MZT2B: variants seen among roughly 807,000 people sequenced by gnomAD.
MZT2B encodes mitotic-spindle organizing protein 2B.
A neutral mutation model predicts 12.1 loss-of-function variants in MZT2B; 11 were observed. The observed-to-expected ratio is 0.91, with a 90% CI of 0.57 to 1.50. MZT2B has a LOEUF of 1.50. Ranked by LOEUF, MZT2B falls within the 40% of genes most tolerant of loss-of-function variation. MZT2B has a pLI of 0.00. For synonymous variants in MZT2B, 85 were observed against 109.5 expected (o/e 0.78, Z 1.40); for missense variants, 209 against 227.7 (o/e 0.92, Z 0.53).
At chr2:130,182,228 C>T, upstream of MZT2B, 4 of 1,229,022 alleles carry the variant, frequency 3.3e-6, no homozygotes, top group Non-Finnish European at 3.0e-6. Context: ...GGGTGGTGGG[C>T]GCAGCCGCTA....
chr2:130,200,976 C>T, the MZT2B span, among the ~76,000 whole-genome samples: 2 of 152,220 alleles, frequency 1.3e-5, no homozygotes, highest in African/African-American at 4.8e-5. Context: ...ACCCCCAGCT[C>T]ATCACCAGGA....
downstream of MZT2B, chr2:130,192,274 C>T: frequency 7.7e-7 from 1 of 1,297,322 alleles, no homozygotes; most frequent in Non-Finnish European, 1.0e-6. Flanking sequence ...CTTCTCTGCA[C>T]CAGGCAGGGT....
chr2:130,192,411 T>G (rs1690286761), downstream of MZT2B, among the ~76,000 whole-genome samples: 1 of 152,138 alleles, frequency 6.6e-6, no homozygotes, highest in South Asian at 2.1e-4. Context: ...GAAGACAGTC[T>G]TCCCTCTGAA....
chr2:130,192,897 C>G (rs562710733), downstream of MZT2B, among the ~76,000 whole-genome samples: 2 of 152,174 alleles, frequency 1.3e-5, no homozygotes, highest in Non-Finnish European at 2.9e-5. Flanking sequence ...GGTTTGAGAC[C>G]AGCCTGGCCA....
At chr2:130,186,140 AGG>A (rs1450514712) in intron 2 of MZT2B, among the ~76,000 whole-genome samples, 1 of 149,640 alleles carries the variant, frequency 6.7e-6, no homozygotes, top group African/African-American at 2.5e-5. Flanking sequence ...GGAGGACATA[AGG>A]GGGGTTGTTG....
rs773776345 is a variant in MZT2B at position 130,190,519 on chromosome 2, C to T, written c.370C>T (p.Arg124Cys). Residue 124 changes from arginine (R) to cysteine (C), a missense_variant, in exon 3 of 3, where the codon CGC (arginine) becomes TGC (cysteine). Transcript: ENST00000281871. Reference protein sequence around the residue: ...ALGGALALAERSSREGSSQRM... With the variant: ...ALGGALALAECSSREGSSQRM... The stretch of plus-strand genomic sequence containing the variant: ...CGGGGGAGCATTGGCCCTGGCGGAA[C>T]GCAGCAGCCGCGAAGGATCCAGCCA... 16 of 1,613,634 alleles carry T rather than the reference C, an allele frequency of 9.9e-6. No individual in the cohort carries two copies. Among genetic ancestry groups the T allele is most frequent in the East Asian group, 2.2e-5 (1 of 44,874 alleles).
At chr2:130,190,754 GTT>G, downstream of MZT2B, 1 of 1,174,752 alleles carries the variant, frequency 8.5e-7, no homozygotes. Context: ...TTTTTTTTTT[GTT>G]TTTTTTTTTA....
Position 130,182,319 on chromosome 2 carries a change from G to A in MZT2B, c.37G>A (p.Ala13Thr), listed in dbSNP as rs1468623383. 6.6e-7 allele frequency: 1 copy of A among 1,517,334 alleles called. No homozygotes were observed. The highest frequency in any genetic ancestry group is 1.2e-5 in the South Asian group (1 of 82,058). 94.0% of individuals were successfully genotyped at this position (1,517,334 alleles called of 1,614,324 possible). A position where few individuals can be genotyped will look rare whatever the true frequency, so the allele number is the denominator to read the frequency against. Reference protein sequence around the residue: ...AQGVGPGPGSAAPPGLEAARQ... With the variant: ...AQGVGPGPGSTAPPGLEAARQ... ...GGGCGTAGGGCCTGGGCCGGGGTCG[G>A]CGGCGCCCCCGGGGCTGGAGGCGGC... The change falls in exon 1 of 3, where the codon GCG becomes ACG. Residue 13 changes from alanine to threonine, a missense_variant. Physicochemically the swap from Ala to Thr is moderately conservative, Grantham distance 58 (BLOSUM62 0). Transcript: ENST00000281871.
At chr2:130,186,036 A>G (rs1690047635) in intron 2 of MZT2B, among the ~76,000 whole-genome samples, 1 of 152,144 alleles carries the variant, frequency 6.6e-6, no homozygotes, top group Non-Finnish European at 1.5e-5. Flanking sequence ...AGCAGAGGCC[A>G]CAGATGGAAT....
chr2:130,183,873 C>T (rs574750874), intron 2 of MZT2B: 20 of 1,550,658 alleles, frequency 1.3e-5, no homozygotes, highest in Admixed American at 2.0e-5. Context: ...CTCTCCGGTT[C>T]TGCTCCACAG....
chr2:130,195,128 G>C (rs192490751), downstream of MZT2B: 4 of 1,613,324 alleles, frequency 2.5e-6, no homozygotes, highest in Non-Finnish European at 2.5e-6. Flanking sequence ...CTTGCCGATG[G>C]TGTAATGGCC....
downstream of MZT2B, chr2:130,195,123 C>T (rs779067595): frequency 5.0e-6 from 8 of 1,612,916 alleles, no homozygotes; most frequent in African/African-American, 1.3e-5. Context: ...ATCTCCTTGC[C>T]GATGGTGTAA....
rs996800962 is a variant in MZT2B, at chr2:130,182,782, G to C, written c.319+7G>C. 18 of 1,470,056 alleles carry C rather than the reference G, an allele frequency of 1.2e-5. No individual in the cohort carries two copies. The African/African-American group carries it at 2.1e-4, about 17-fold the overall frequency. The allele number at this position is 1,470,056 out of a possible 1,614,324, so 91.1% of individuals were successfully genotyped here. The stretch of plus-strand genomic sequence containing the variant: ...AGCGTGCCCGAGACCCGAGGTCAGA[G>C]CTGGGCCCGCTGTCCCTGCCCCAGT... On this transcript the variant is annotated splice_region_variant and intron_variant, in intron 2 of 2. Transcript: ENST00000281871.
the MZT2B span, chr2:130,204,398 G>C: frequency 4.8e-6 from 2 of 418,642 alleles, no homozygotes; most frequent in Non-Finnish European, 9.0e-6. Context: ...CTCAGAAAGA[G>C]GATGCTGTTT....
downstream of MZT2B, among the ~76,000 whole-genome samples, chr2:130,194,860 T>G (rs1690365215): frequency 6.6e-6 from 1 of 152,164 alleles, no homozygotes; most frequent in African/African-American, 2.4e-5. Flanking sequence ...GTATTTTTAG[T>G]AGACATAGAG....
the MZT2B span, chr2:130,202,571 A>G: frequency 1.2e-6 from 1 of 840,344 alleles, no homozygotes; most frequent in Non-Finnish European, 1.6e-6. Context: ...AAGCAGGACA[A>G]CAGGGCCAAG....
At chr2:130,200,821 C>G in the MZT2B span, among the ~76,000 whole-genome samples, 2 of 152,336 alleles carry the variant, frequency 1.3e-5, no homozygotes, top group Non-Finnish European at 1.5e-5. Context: ...AAATTCCTGG[C>G]CTCAAGTGAT....
At chr2:130,189,010 T>G (rs1690164954) in intron 2 of MZT2B, among the ~76,000 whole-genome samples, 1 of 152,142 alleles carries the variant, frequency 6.6e-6, no homozygotes, top group Admixed American at 6.5e-5. Context: ...GGCTGAACCC[T>G]TGTCTGGAGT....
At chr2:130,189,900 A>C (rs10209164) in intron 2 of MZT2B, among the ~76,000 whole-genome samples, 1 of 152,342 alleles carries the variant, frequency 6.6e-6, no homozygotes, top group South Asian at 2.1e-4. Flanking sequence ...TAAACCCGAA[A>C]GCAAGAGGCT....
Sources: allele counts gnomAD v4.1 joint callset (sites outside exome capture counted in the v4.1 genomes callset), GRCh38; gene constraint gnomAD v4.1.1; transcripts MANE v1.5; gene names NCBI Gene and HGNC (gene_info 2026-07-23, HGNC 2026-07-21).